The following CPAMD8 variants were observed in gnomAD, a reference collection of about 807,000 sequenced individuals.
CPAMD8 encodes C3 and PZP like alpha-2-macroglobulin domain containing 8.
A neutral mutation model predicts 224.7 loss-of-function variants in CPAMD8; 146 were observed. The observed-to-expected ratio is 0.65, with a 90% confidence interval of 0.57 to 0.75. The LOEUF (loss-of-function observed/expected upper bound fraction) is 0.75, where lower values mean the gene tolerates loss of function less well. CPAMD8 is among the 30% of genes least tolerant of loss of function. The pLI is 0.00. For missense variants in CPAMD8, 2,301 were observed against 2,537.5 expected (o/e 0.91, Z 2.00); for synonymous variants, 966 against 1,044.6 (o/e 0.92, Z 1.45).
chr19:16,950,229 C>T (rs1014381141), intron 20 of CPAMD8, among the ~76,000 whole-genome samples: 2 of 152,006 alleles, frequency 1.3e-5, no homozygotes, highest in Admixed American at 6.6e-5. Context: ...ACCCGGGAGG[C>T]GGAGGTTGCA....
At chr19:16,966,058 A>G (rs2054817526) in intron 18 of CPAMD8, among the ~76,000 whole-genome samples, 1 of 152,330 alleles carries the variant, frequency 6.6e-6, no homozygotes, top group African/African-American at 2.4e-5. Context: ...AAAAGAACAA[A>G]GCGGGAGGCA....
intron 29 of CPAMD8, among the ~76,000 whole-genome samples, chr19:16,909,485 A>C (rs908973942): frequency 1.3e-5 from 2 of 152,150 alleles, no homozygotes; most frequent in Admixed American, 6.6e-5. Flanking sequence ...CGGAGCTTGC[A>C]ATGAGCCGAG....
intron 18 of CPAMD8, among the ~76,000 whole-genome samples, chr19:16,961,574 C>T (rs545574335): frequency 6.6e-6 from 1 of 152,388 alleles, no homozygotes; most frequent in East Asian, 1.9e-4. Context: ...TAGACTCCAC[C>T]TCTGTGAGCA....
chr19:16,903,974 T>C, intron 32 of CPAMD8, 117 bp from the exon 33 acceptor site: 1 of 1,085,570 alleles, frequency 9.2e-7, no homozygotes, highest in Non-Finnish European at 1.3e-6. Context: ...GAATAGAGAC[T>C]GGACCCAGTG....
intron 12 of CPAMD8, among the ~76,000 whole-genome samples, chr19:16,991,278 T>G (rs2122908426): frequency 6.6e-6 from 1 of 152,226 alleles, no homozygotes; most frequent in South Asian, 2.1e-4. Flanking sequence ...TTTATGTCAT[T>G]TTGCTATGGT....
At chr19:16,951,913 G>T (rs2054308400) in intron 20 of CPAMD8, 56 bp downstream of exon 20, 1 of 1,100,374 alleles carries the variant, frequency 9.1e-7, no homozygotes, top group Non-Finnish European at 1.3e-6. Flanking sequence ...TAGCACCAAT[G>T]CAGTCCCAAC....
chr19:16,946,021 G>T, intron 21 of CPAMD8, among the ~76,000 whole-genome samples: 1 of 152,026 alleles, frequency 6.6e-6, no homozygotes, highest in East Asian at 1.9e-4. Context: ...GTATCTGTAC[G>T]TGTGTTTGTG....
In CPAMD8 at chr19:16,945,581, C is replaced by G. The variant is rs2054044040; in HGVS notation, c.2761G>C (p.Val921Leu). Residue 921 changes from valine (V) to leucine (L), a missense_variant, in exon 22 of 42, where the codon GTG becomes CTG. By Grantham distance (32) the Val-to-Leu change is conservative (BLOSUM62 1). Coordinates refer to ENST00000443236, the MANE Select transcript of CPAMD8 (RefSeq NM_015692.5). Reference sequence around the variant, plus strand: ...ATCACACTGCGCCTGACGTGATCCACCCCGATGGGGACCCTCCTGTCGGCG... The same window carrying G: ...ATCACACTGCGCCTGACGTGATCCAGCCCGATGGGGACCCTCCTGTCGGCG... ...NHADRRVPIG[V>L]DHVRRSVMVE... 2 of 1,614,064 alleles carry G rather than the reference C, an allele frequency of 1.2e-6. No homozygotes were observed. Among genetic ancestry groups the G allele is most frequent in the Non-Finnish European group, 8.5e-7 (1 of 1,180,016 alleles).
chr19:17,004,944 CAGAG>C (rs527809778), intron 7 of CPAMD8, among the ~76,000 whole-genome samples: 3 of 149,260 alleles, frequency 2.0e-5, no homozygotes, highest in South Asian at 2.1e-4. Context: ...GTGGAAATCC[CAGAG>C]AGAGAGAGAG....
chr19:17,011,798 TG>T (rs1215234374), intron 3 of CPAMD8, 41 bp from the exon 4 acceptor site: 5 of 1,596,996 alleles, frequency 3.1e-6, no homozygotes, highest in South Asian at 2.3e-5. Context: ...GAATTCACCC[TG>T]GAATGGGCCA....
chr19:16,947,311 C>T (rs1030737755), intron 20 of CPAMD8, 84 bp from the exon 21 acceptor site: 1 of 1,479,656 alleles, frequency 6.8e-7, no homozygotes, highest in Non-Finnish European at 9.2e-7. Context: ...TCCCACCACT[C>T]ACTGCACACA....
At chr19:16,896,096 TC>T (rs1396113777) in intron 41 of CPAMD8, 79 bp downstream of exon 41, 2 of 1,480,536 alleles carry the variant, frequency 1.4e-6, no homozygotes, top group East Asian at 2.3e-5. Context: ...GGGCAGGTCG[TC>T]GGGGGAGGTT....
At chr19:17,004,520 C>T in intron 7 of CPAMD8, 134 bp from the exon 8 acceptor site, 1 of 613,414 alleles carries the variant, frequency 1.6e-6, no homozygotes, top group Non-Finnish European at 2.9e-6. Context: ...CACAGAGAAG[C>T]TGGCGGGGTC....
chr19:16,995,479 G>A (rs2056094787), intron 11 of CPAMD8, among the ~76,000 whole-genome samples: 1 of 152,188 alleles, frequency 6.6e-6, no homozygotes, highest in African/African-American at 2.4e-5. Context: ...TTGGCTCACT[G>A]CAACCTCCGC....
At chr19:16,963,495 A>G (rs536314754) in intron 18 of CPAMD8, among the ~76,000 whole-genome samples, 1 of 152,362 alleles carries the variant, frequency 6.6e-6, no homozygotes, top group Admixed American at 6.5e-5. Flanking sequence ...AGAGCTAACT[A>G]TCCTAAATGT....
intron 20 of CPAMD8, among the ~76,000 whole-genome samples, chr19:16,950,477 C>A (rs79594378): frequency 2.6e-3 from 399 of 152,000 alleles, no homozygotes; most frequent in African/African-American, 9.2e-3. Context: ...CTGGCACAAG[C>A]CACCAGAAGC....
intron 41 of CPAMD8, chr19:16,895,932 CGCGT>C (rs2051955363): frequency 3.1e-6 from 2 of 651,384 alleles, no homozygotes; most frequent in Non-Finnish European, 2.8e-6. Flanking sequence ...CACACACGCG[CGCGT>C]GCGCCCGCGC....
At chr19:16,989,497 G>C (rs966667198) in intron 13 of CPAMD8, 146 bp downstream of exon 13, 4 of 930,352 alleles carry the variant, frequency 4.3e-6, no homozygotes, top group Non-Finnish European at 4.8e-6. Context: ...ATGCTGGCCA[G>C]GCTGGTCTCG....
In CPAMD8 at chr19:17,012,023, A is replaced by T. The variant is rs75591592; in HGVS notation, c.268-266T>A. Among the ~76,000 whole-genome samples the T allele has an allele frequency of 7.0e-3, 1,064 of 152,072 alleles. 15 individuals carry two copies. The highest frequency in any genetic ancestry group is 0.024 in the East Asian group (125 of 5,164). On this transcript the variant is annotated intron_variant, in intron 3 of 41. Coordinates refer to ENST00000443236, the MANE Select transcript of CPAMD8 (RefSeq NM_015692.5). The stretch of plus-strand genomic sequence containing the variant: ...CCCCCGCCCTTGGCAAACTGCCCCA[A>T]ATATCTTTTTTTTTGGAGACAAGGC...
Sources: allele counts gnomAD v4.1 joint callset (sites outside exome capture counted in the v4.1 genomes callset), GRCh38; gene constraint gnomAD v4.1.1; transcripts MANE v1.5; gene names NCBI Gene and HGNC (gene_info 2026-07-23, HGNC 2026-07-21).